The following ARHGEF9 variants were observed in gnomAD, a reference collection of about 807,000 sequenced individuals.
The protein encoded by ARHGEF9 is rho guanine nucleotide exchange factor 9.
A neutral mutation model predicts 41.3 loss-of-function variants in ARHGEF9; 2 were observed. The ratio of observed to expected loss-of-function variants is 0.05; its 90% confidence interval spans 0.02 to 0.15. ARHGEF9 has a LOEUF of 0.15. Among genes scored for constraint, ARHGEF9 ranks in the 10% least tolerant of loss-of-function variants. The probability of loss-of-function intolerance (pLI) is 1.00; values close to 1 mark genes in which losing one functional copy is unlikely to be tolerated. For synonymous variants in ARHGEF9, 160 were observed against 154.4 expected (o/e 1.04, Z -0.27); for missense variants, 225 against 424.7 (o/e 0.53, Z 4.13).
At chrX:63,691,482 C>T (rs1322226439) in intron 4 of ARHGEF9, among the ~76,000 whole-genome samples, 2 of 110,777 alleles carry the variant, frequency 1.8e-5, no homozygotes, top group Non-Finnish European at 3.8e-5. Context: ...AAATTGACAA[C>T]TACACACAAA....
intron 1 of ARHGEF9, 136 bp from the exon 2 acceptor site, chrX:63,724,847 C>A: frequency 1.6e-6 from 1 of 606,837 alleles, no homozygotes; most frequent in South Asian, 2.7e-5. Context: ...GGGGATGGCA[C>A]TGGAACAAAA....
Position 63,656,783 on chromosome X carries a change from G to C in ARHGEF9, c.1078-1046C>G, listed in dbSNP as rs782271391. The C allele has an allele frequency of 1.9e-4, 21 of 112,065 alleles. No individual in the cohort carries two copies. The East Asian group carries it at 5.6e-3, about 30-fold the overall frequency. 9.2% of individuals were successfully genotyped at this position (112,065 alleles called of 1,213,427 possible). On this transcript the variant is annotated intron_variant, in intron 7 of 9. Coordinates refer to ENST00000671741, the MANE Select transcript of ARHGEF9 (RefSeq NM_001353921.2). ...CAGAGCAGAAAACGGGGAGGGGCAA[G>C]AGAGGAAGGGGAAGAAAAAGAAGCA... is the stretch of plus-strand genomic sequence containing the variant.
At chrX:63,647,408 A>T (rs1306054093) in intron 8 of ARHGEF9, among the ~76,000 whole-genome samples, 4 of 111,717 alleles carry the variant, frequency 3.6e-5, no homozygotes, top group African/African-American at 1.3e-4. Context: ...ACGTCCCATC[A>T]GTATGTAATT....
intron 4 of ARHGEF9, 150 bp downstream of exon 4, chrX:63,696,975 G>T: frequency 1.7e-6 from 1 of 572,974 alleles, no homozygotes; most frequent in Non-Finnish European, 2.7e-6. Context: ...TTGTTTCCTG[G>T]CTAGAGACCA....
intron 1 of ARHGEF9, among the ~76,000 whole-genome samples, chrX:63,760,109 C>T (rs1419268928): frequency 1.8e-5 from 2 of 110,571 alleles, no homozygotes; most frequent in Non-Finnish European, 3.8e-5. Flanking sequence ...AAAAAAATTC[C>T]TGGTTGTCCT....
In ARHGEF9 at chrX:63,646,575, T is replaced by A. The variant is rs2048091371; in HGVS notation, c.1322-2527A>T. Among the ~76,000 whole-genome samples the A allele has an allele frequency of 2.7e-5, 3 of 111,848 alleles. No homozygotes were observed. The South Asian group carries it at 1.1e-3, about 42-fold the overall frequency. ...CATTATTTCTGAGGGCTCTGTTCTG[T>A]TCCATTGGTTTATATCTCTGTTTTG... is the stretch of plus-strand genomic sequence containing the variant. On this transcript the variant is annotated intron_variant, in intron 8 of 9. Coordinates refer to ENST00000671741, the MANE Select transcript of ARHGEF9 (RefSeq NM_001353921.2).
At chrX:63,642,236 T>C (rs1556307106) in intron 9 of ARHGEF9, 1 of 111,517 alleles carries the variant, frequency 9.0e-6, no homozygotes, top group East Asian at 2.8e-4. Context: ...GTATCCCTTT[T>C]GCAGCCTGAA....
intron 6 of ARHGEF9, among the ~76,000 whole-genome samples, chrX:63,672,260 TTA>T (rs1353945950): frequency 3.6e-5 from 4 of 110,248 alleles, no homozygotes; most frequent in Non-Finnish European, 7.6e-5. Context: ...GCTTCCACAA[TTA>T]TGAGAAATAA....
At chrX:63,654,107 GC>G (rs1347703173) in intron 8 of ARHGEF9, among the ~76,000 whole-genome samples, 11 of 98,728 alleles carry the variant, frequency 1.1e-4, no homozygotes, top group African/African-American at 4.1e-4. Context: ...CTTTTCTGTT[GC>G]TTTTTCCCTA....
intron 1 of ARHGEF9, among the ~76,000 whole-genome samples, chrX:63,741,979 T>C (rs868918838): frequency 8.9e-6 from 1 of 112,432 alleles, no homozygotes; most frequent in Non-Finnish European, 1.9e-5. Context: ...AGAGCATGGA[T>C]AGACAGCAAA....
At chrX:63,739,376 C>T (rs1202826460) in intron 1 of ARHGEF9, among the ~76,000 whole-genome samples, 3 of 111,791 alleles carry the variant, frequency 2.7e-5, no homozygotes, top group Non-Finnish European at 5.6e-5. Flanking sequence ...GGACAATCAG[C>T]GTGTCTCTCT....
At position 63,748,688 on chromosome X, in the gene ARHGEF9, G is replaced by A. The variant is rs782805135; in HGVS notation, c.31-23977C>T. Reference sequence around the variant, plus strand: ...TAAATTAAAAAAATAAATAAATAAAGCTCCCTGGGATCTAGCCCATGAAAA... The same window carrying A: ...TAAATTAAAAAAATAAATAAATAAAACTCCCTGGGATCTAGCCCATGAAAA... On this transcript the variant is annotated intron_variant, in intron 1 of 9. Transcript: ENST00000671741. Among the ~76,000 whole-genome samples the A allele has an allele frequency of 4.5e-5, 5 of 111,536 alleles. No individual in the cohort carries two copies. In the South Asian group the frequency reaches 1.5e-3, roughly 34 times the overall value.
At chrX:63,767,361 T>G (rs1232567261) in intron 1 of ARHGEF9, 2 of 617,765 alleles carry the variant, frequency 3.2e-6, no homozygotes, top group African/African-American at 4.4e-5. Context: ...CTGAAGAAGA[T>G]AAAACTTGAA....
At chrX:63,722,495 G>C (rs1556414336) in intron 2 of ARHGEF9, among the ~76,000 whole-genome samples, 1 of 107,432 alleles carries the variant, frequency 9.3e-6, no homozygotes, top group African/African-American at 3.4e-5. Flanking sequence ...TGGCTGCTGG[G>C]GCTTTGTTCC....
At chrX:63,731,640 A>C (rs1297619646) in intron 1 of ARHGEF9, among the ~76,000 whole-genome samples, 1 of 102,999 alleles carries the variant, frequency 9.7e-6, no homozygotes, top group Non-Finnish European at 2.0e-5. Context: ...GTTCACTGCA[A>C]CCTCCACCTC....
chrX:63,743,048 C>T, intron 1 of ARHGEF9, among the ~76,000 whole-genome samples: 1 of 111,793 alleles, frequency 8.9e-6, no homozygotes, highest in South Asian at 3.8e-4. Context: ...CTAGCCTGGC[C>T]ACCATGGCAA....
At chrX:63,677,614 C>T (rs1556363819) in intron 5 of ARHGEF9, among the ~76,000 whole-genome samples, 1 of 111,279 alleles carries the variant, frequency 9.0e-6, no homozygotes. Flanking sequence ...AAATTGATGT[C>T]GCCTGACACT....
chrX:63,687,554 G>A (rs1817406092), intron 4 of ARHGEF9, among the ~76,000 whole-genome samples: 1 of 111,230 alleles, frequency 9.0e-6, no homozygotes, highest in South Asian at 3.8e-4. Context: ...AGATGATGTT[G>A]TGTGAGCTCT....
intron 6 of ARHGEF9, chrX:63,670,062 C>T (rs1187004407): frequency 2.7e-5 from 3 of 111,626 alleles, no homozygotes; most frequent in African/African-American, 6.5e-5. Flanking sequence ...GGTCAGAGCC[C>T]GAGCGAAGAG....
Sources: allele counts gnomAD v4.1 joint callset (sites outside exome capture counted in the v4.1 genomes callset), GRCh38; gene constraint gnomAD v4.1.1; transcripts MANE v1.5; gene names NCBI Gene and HGNC (gene_info 2026-07-23, HGNC 2026-07-21).